CDH11: variants seen among roughly 807,000 people sequenced by gnomAD.
CDH11 encodes cadherin-11.
A neutral mutation model predicts 67.8 loss-of-function variants in CDH11; 11 were observed. The ratio of observed to expected loss-of-function variants is 0.16; its 90% CI spans 0.10 to 0.27. CDH11 has a LOEUF of 0.27. Ranked by LOEUF, CDH11 falls within the 10% of genes least tolerant of loss-of-function variation. The probability of loss-of-function intolerance (pLI) is 1.00; values close to 1 mark genes in which losing one functional copy is unlikely to be tolerated. For missense variants in CDH11, 847 were observed against 1,031.2 expected (o/e 0.82, Z 2.45); for synonymous variants, 419 against 400.0 (o/e 1.05, Z -0.57).
At position 64,948,053 on chromosome 16, in the gene CDH11, T is replaced by A; in HGVS notation, c.1941A>T (p.Pro647=). ...FVTLRRQKKE[P]LIVFEEEDVR... ...CATCTTCTTCCTCAAAGACAATGAGTGGTTCTTTCTTTTGCCTTCTCAGGG... is the reference window on the plus strand; with the variant it reads ...CATCTTCTTCCTCAAAGACAATGAGAGGTTCTTTCTTTTGCCTTCTCAGGG... Residue 647 remains proline (P), a synonymous_variant, in exon 13 of 13, where the codon CCA becomes CCT. Coordinates refer to ENST00000268603, the MANE Select transcript of CDH11 (RefSeq NM_001797.4). 6.2e-7 allele frequency: 1 copy of A among 1,613,952 alleles called. No individual in the cohort carries two copies. The highest frequency in any genetic ancestry group is 8.5e-7 in the Non-Finnish European group (1 of 1,179,982).
intron 4 of CDH11, among the ~76,000 whole-genome samples, chr16:64,996,491 G>GGA (rs1555516632): frequency 3.0e-5 from 4 of 135,144 alleles, no homozygotes; most frequent in African/African-American, 5.7e-5. Flanking sequence ...CTCTGTCTCA[G>GGA]AAAAAAAAAA....
chr16:65,122,121 C>CG, upstream of CDH11: 1 of 144,580 alleles, frequency 6.9e-6, no homozygotes, highest in South Asian at 7.8e-5. Context: ...GGCGGGCGGG[C>CG]AGGCGGGTGC....
chr16:64,974,888 A>C (rs1472814546), intron 8 of CDH11, among the ~76,000 whole-genome samples: 1 of 152,236 alleles, frequency 6.6e-6, no homozygotes, highest in East Asian at 1.9e-4. Context: ...GGAAGTCCTA[A>C]GTACAACTTC....
At chr16:65,029,019 C>T (rs892931814) in intron 2 of CDH11, among the ~76,000 whole-genome samples, 11 of 152,130 alleles carry the variant, frequency 7.2e-5, no homozygotes, top group East Asian at 1.9e-4. Flanking sequence ...TGCTGTACAA[C>T]GTTGTACCTA....
At chr16:65,034,988 CAA>C (rs2073723028) in intron 2 of CDH11, among the ~76,000 whole-genome samples, 1 of 152,222 alleles carries the variant, frequency 6.6e-6, no homozygotes, top group African/African-American at 2.4e-5. Flanking sequence ...TTGAAATCTG[CAA>C]AGACCTAGTT....
At chr16:65,119,709 T>C (rs1364253253) in intron 1 of CDH11, among the ~76,000 whole-genome samples, 1 of 152,228 alleles carries the variant, frequency 6.6e-6, no homozygotes, top group Non-Finnish European at 1.5e-5. Context: ...ATGCCCAGTT[T>C]ATGCAGACTC....
chr16:65,054,542 G>A (rs993872911), intron 1 of CDH11, among the ~76,000 whole-genome samples: 19 of 152,256 alleles, frequency 1.2e-4, no homozygotes, highest in Middle Eastern at 6.8e-3. Context: ...TGGGGGCTGT[G>A]TTCTGCTTGG....
At chr16:64,962,821 C>T (rs1321977560) in intron 11 of CDH11, among the ~76,000 whole-genome samples, 2 of 152,088 alleles carry the variant, frequency 1.3e-5, no homozygotes, top group Admixed American at 1.3e-4. Context: ...AAGAAACTTC[C>T]AACTCTAGGC....
intron 1 of CDH11, among the ~76,000 whole-genome samples, chr16:65,116,609 C>T (rs2075249096): frequency 6.6e-6 from 1 of 152,152 alleles, no homozygotes; most frequent in Non-Finnish European, 1.5e-5. Context: ...TAAACCCCTG[C>T]TCATTCACAA....
chr16:64,954,864 G>A (rs56910411), intron 11 of CDH11, among the ~76,000 whole-genome samples: 1,560 of 151,726 alleles, frequency 0.01, 24 homozygotes, highest in African/African-American at 0.035. Flanking sequence ...CAGCACTTGG[G>A]AGAACCAGGT....
chr16:65,103,655 T>C (rs2075026764), intron 1 of CDH11, among the ~76,000 whole-genome samples: 1 of 152,206 alleles, frequency 6.6e-6, no homozygotes, highest in Non-Finnish European at 1.5e-5. Context: ...AAAAACTGTG[T>C]ATAAATATAT....
chr16:64,964,718 T>C (rs918321979), intron 11 of CDH11, among the ~76,000 whole-genome samples: 1 of 151,748 alleles, frequency 6.6e-6, no homozygotes, highest in African/African-American at 2.4e-5. Flanking sequence ...CCGGATAATT[T>C]TTTGTATTTT....
At chr16:65,105,097 C>T (rs967977797) in intron 1 of CDH11, among the ~76,000 whole-genome samples, 4 of 151,906 alleles carry the variant, frequency 2.6e-5, no homozygotes, top group East Asian at 1.9e-4. Flanking sequence ...TCTCTGTCCA[C>T]GTTTGCAGCA....
intron 1 of CDH11, among the ~76,000 whole-genome samples, chr16:65,081,365 G>A (rs772219566): frequency 6.6e-6 from 1 of 152,208 alleles, no homozygotes; most frequent in African/African-American, 2.4e-5. Context: ...TCAGGAGATC[G>A]AGACCATCCT....
chr16:65,108,917 C>T (rs2075111275), intron 1 of CDH11, among the ~76,000 whole-genome samples: 1 of 152,134 alleles, frequency 6.6e-6, no homozygotes, highest in Non-Finnish European at 1.5e-5. Context: ...GAGGCTGAGG[C>T]AGACGGAGCA....
intron 1 of CDH11, among the ~76,000 whole-genome samples, chr16:65,067,419 G>A (rs1207271108): frequency 6.6e-6 from 1 of 152,170 alleles, no homozygotes; most frequent in Non-Finnish European, 1.5e-5. Flanking sequence ...AAATAGTAGC[G>A]AAGTATGCTT....
intron 11 of CDH11, chr16:64,968,501 G>T (rs2071907449): frequency 2.0e-6 from 2 of 985,096 alleles, no homozygotes; most frequent in Admixed American, 6.2e-5. Flanking sequence ...GCCCAAGATG[G>T]ACTTAAATGT....
chr16:65,094,837 G>GC (rs1283529418), intron 1 of CDH11: 1 of 152,110 alleles, frequency 6.6e-6, no homozygotes, highest in East Asian at 1.9e-4. Flanking sequence ...TGAGGAACAG[G>GC]CCCTTGCTAG....
At chr16:65,008,466 A>G (rs1432790416) in intron 2 of CDH11, among the ~76,000 whole-genome samples, 1 of 152,246 alleles carries the variant, frequency 6.6e-6, no homozygotes, top group East Asian at 1.9e-4. Flanking sequence ...CACTTTCAGA[A>G]TGAAAATTTA....
Sources: allele counts gnomAD v4.1 joint callset (sites outside exome capture counted in the v4.1 genomes callset), GRCh38; gene constraint gnomAD v4.1.1; transcripts MANE v1.5; gene names NCBI Gene and HGNC (gene_info 2026-07-23, HGNC 2026-07-21).